SRGAP1: variants seen among roughly 807,000 people sequenced by gnomAD.
The protein encoded by SRGAP1 is SLIT-ROBO Rho GTPase-activating protein 1.
A neutral mutation model predicts 121.9 loss-of-function variants in SRGAP1; 43 were observed. The observed-to-expected ratio is 0.35, with a 90% CI of 0.28 to 0.46. The LOEUF (loss-of-function observed/expected upper bound fraction) is 0.46. SRGAP1 is among the 20% of genes least tolerant of loss of function. SRGAP1 has a pLI of 1.00. For synonymous variants in SRGAP1, 447 were observed against 485.4 expected (o/e 0.92, Z 1.04); for missense variants, 1,102 against 1,350.9 (o/e 0.82, Z 2.89).
At chr12:64,050,224 A>G (rs1203622359) in intron 6 of SRGAP1, among the ~76,000 whole-genome samples, 6 of 152,148 alleles carry the variant, frequency 3.9e-5, no homozygotes, top group Non-Finnish European at 7.4e-5. Flanking sequence ...TTGATTTTGT[A>G]TCCTGTAACT....
intron 21 of SRGAP1, 43 bp from the exon 22 acceptor site, chr12:64,142,252 T>A: frequency 6.3e-7 from 1 of 1,589,094 alleles, no homozygotes; most frequent in Non-Finnish European, 8.6e-7. Flanking sequence ...TTAGTATTCA[T>A]TATCAGTCTG....
At chr12:64,017,138 A>G in intron 4 of SRGAP1, 126 bp downstream of exon 4, 5 of 587,272 alleles carry the variant, frequency 8.5e-6, no homozygotes, top group Non-Finnish European at 1.5e-5. Context: ...CTTGAAATAC[A>G]GGAACAAGGG....
intron 10 of SRGAP1, among the ~76,000 whole-genome samples, chr12:64,083,754 T>G (rs910482612): frequency 2.6e-5 from 4 of 152,222 alleles, no homozygotes; most frequent in South Asian, 2.1e-4. Flanking sequence ...CATTGGCTTC[T>G]TTGTGTGCAG....
rs112103252 is a variant in SRGAP1, at chr12:63,896,282, T to G, written c.67+51399T>G. Among the ~76,000 whole-genome samples the G allele has an allele frequency of 7.0e-3, 1,071 of 152,308 alleles. 6 individuals carry two copies. Among genetic ancestry groups the G allele is most frequent in the Non-Finnish European group, 0.013 (855 of 68,030 alleles). The stretch of plus-strand genomic sequence containing the variant: ...ATACGATGGTGATGTATTAATAATT[T>G]AGTGAATTACCTGTTAGGAGTATAA... On this transcript the variant is annotated intron_variant, in intron 1 of 21. Transcript: ENST00000355086.
intron 16 of SRGAP1, among the ~76,000 whole-genome samples, chr12:64,110,491 C>G (rs2036415009): frequency 6.6e-6 from 1 of 152,180 alleles, no homozygotes; most frequent in South Asian, 2.1e-4. Context: ...GGGCAGGATG[C>G]TTGGGATGGG....
At chr12:64,094,345 C>T (rs2036114119) in intron 12 of SRGAP1, among the ~76,000 whole-genome samples, 2 of 152,090 alleles carry the variant, frequency 1.3e-5, no homozygotes, top group African/African-American at 4.8e-5. Context: ...AACAAATCTG[C>T]GATATACAGT....
intron 1 of SRGAP1, among the ~76,000 whole-genome samples, chr12:63,961,582 A>G (rs1452661370): frequency 6.6e-6 from 1 of 152,140 alleles, no homozygotes; most frequent in Non-Finnish European, 1.5e-5. Flanking sequence ...CAGAGCCCCC[A>G]TTTGCCCAAG....
intron 3 of SRGAP1, among the ~76,000 whole-genome samples, chr12:64,006,826 T>C (rs1171366695): frequency 6.6e-6 from 1 of 152,186 alleles, no homozygotes; most frequent in Admixed American, 6.5e-5. Flanking sequence ...TGAATGGATT[T>C]TTGCTGTTGA....
At chr12:63,848,870 CAG>C (rs1429832135) in intron 1 of SRGAP1, among the ~76,000 whole-genome samples, 6 of 151,964 alleles carry the variant, frequency 3.9e-5, no homozygotes. Flanking sequence ...AGTTCATGGA[CAG>C]TGTATAAATT....
intron 1 of SRGAP1, among the ~76,000 whole-genome samples, chr12:63,856,629 A>G (rs529934370): frequency 1.1e-3 from 153 of 136,760 alleles, no homozygotes; most frequent in African/African-American, 4.3e-3. Context: ...CTATTTTTGG[A>G]CACTCTATTG....
intron 1 of SRGAP1, among the ~76,000 whole-genome samples, chr12:63,971,309 G>A (rs915813307): frequency 6.6e-6 from 1 of 152,194 alleles, no homozygotes; most frequent in Non-Finnish European, 1.5e-5. Context: ...TTTCCTGTCT[G>A]TAGACCAGGA....
At chr12:64,045,387 A>AT (rs2035108726) in intron 6 of SRGAP1, among the ~76,000 whole-genome samples, 1 of 151,652 alleles carries the variant, frequency 6.6e-6, no homozygotes, top group Admixed American at 6.6e-5. Flanking sequence ...TGCTTTTTTG[A>AT]TTGGGGTTCA....
chr12:64,040,002 T>C (rs1485771463), intron 4 of SRGAP1, among the ~76,000 whole-genome samples: 2 of 152,220 alleles, frequency 1.3e-5, no homozygotes, highest in South Asian at 2.1e-4. Flanking sequence ...TACTTTGTTC[T>C]GGCTCTGTAA....
At chr12:63,865,945 C>T (rs1007722568) in intron 1 of SRGAP1, among the ~76,000 whole-genome samples, 1 of 152,122 alleles carries the variant, frequency 6.6e-6, no homozygotes, top group Non-Finnish European at 1.5e-5. Context: ...CCACTCAGCT[C>T]ATCGTTGTCG....
At chr12:64,094,730 A>G (rs938862329) in intron 12 of SRGAP1, among the ~76,000 whole-genome samples, 2 of 152,258 alleles carry the variant, frequency 1.3e-5, no homozygotes, top group African/African-American at 2.4e-5. Context: ...AAGTCTTAAT[A>G]TAAGAAAAGA....
rs1330868808 is a variant in SRGAP1 at position 63,984,840 on chromosome 12, A to AC, written c.263+702dup. 2.0e-5 allele frequency among the ~76,000 whole-genome samples: 3 copies of AC among 152,058 alleles called. No homozygotes were observed. The East Asian group carries it at 5.8e-4, about 29-fold the overall frequency. ...AGACCAGCCTGACCAATATGGTGAAACCCCGTCTCTACTAAAAATACAAAA... is the reference window on the plus strand; with the variant it reads ...AGACCAGCCTGACCAATATGGTGAAACCCCCGTCTCTACTAAAAATACAAAA... On this transcript the variant is annotated intron_variant, in intron 2 of 21. Transcript: ENST00000355086.
chr12:64,076,034 A>C (rs557797637), intron 8 of SRGAP1, among the ~76,000 whole-genome samples: 1 of 152,334 alleles, frequency 6.6e-6, no homozygotes, highest in African/African-American at 2.4e-5. Flanking sequence ...CCAAGCCTGA[A>C]ACCTGTGACA....
intron 19 of SRGAP1, among the ~76,000 whole-genome samples, chr12:64,126,437 T>C (rs979222526): frequency 1.4e-4 from 21 of 152,212 alleles, no homozygotes; most frequent in African/African-American, 5.1e-4. Flanking sequence ...TGAAGTGACA[T>C]TGGTAATTCC....
intron 6 of SRGAP1, among the ~76,000 whole-genome samples, chr12:64,061,186 T>A (rs73319368): frequency 0.014 from 2,059 of 152,240 alleles, 42 homozygotes; most frequent in African/African-American, 0.046. Flanking sequence ...TAATGAAGAT[T>A]CAAGAATCTC....
Sources: gnomAD v4.1 joint callset for allele counts (sites outside exome capture counted in the v4.1 genomes callset) on GRCh38, gnomAD v4.1.1 for gene constraint, MANE v1.5 for transcripts, NCBI Gene and HGNC (gene_info 2026-07-23, HGNC 2026-07-21) for gene names.